The following MYO18B variants were observed in gnomAD, a reference collection of about 807,000 sequenced individuals.
MYO18B encodes the protein myosin XVIIIB, also known as unconventional myosin-XVIIIb.
In MYO18B, 204 loss-of-function variants were observed where a neutral mutation model predicts 273.0. The ratio of observed to expected loss-of-function variants is 0.75; its 90% confidence interval spans 0.67 to 0.84. MYO18B has a LOEUF of 0.84. MYO18B is among the 40% of genes least tolerant of loss of function. The probability of loss-of-function intolerance (pLI) is 0.00; values close to 1 mark genes in which losing one functional copy is unlikely to be tolerated. For synonymous variants in MYO18B, 1,330 were observed against 1,305.7 expected, an observed-to-expected ratio of 1.02 and a Z score of -0.40; for missense variants, 3,212 against 3,287.6, an observed-to-expected ratio of 0.98 and a Z score of 0.56.
At chr22:25,787,911 C>T (rs961312684) in intron 11 of MYO18B, among the ~76,000 whole-genome samples, 1 of 152,116 alleles carries the variant, frequency 6.6e-6, no homozygotes, top group African/African-American at 2.4e-5. Flanking sequence ...CCAAAATATC[C>T]GTATGAATCA....
intron 1 of MYO18B, among the ~76,000 whole-genome samples, chr22:25,746,317 A>C (rs1321883249): frequency 6.6e-6 from 1 of 152,116 alleles, no homozygotes. Context: ...TCCCTGTTAC[A>C]CCTAGTTATT....
At position 25,772,355 on chromosome 22, in the gene MYO18B, C is replaced by A. The variant is rs1392446807; in HGVS notation, c.1714C>A (p.Gln572Lys). 6.2e-7 allele frequency: 1 copy of A among 1,613,730 alleles called. No homozygotes were observed. Among genetic ancestry groups the A allele is most frequent in the Non-Finnish European group, 8.5e-7 (1 of 1,179,820 alleles). Residue 572 changes from glutamine (Q) to lysine (K), a missense_variant, in exon 7 of 44, where the codon CAG (glutamine) becomes AAG (lysine). Transcript: ENST00000335473. Reference protein sequence around the residue: ...VHRANPPELDQVEDLASLISV... With the variant: ...VHRANPPELDKVEDLASLISV... ...ACAGGCCAACCCTCCTGAGCTGGACCAGGTCGAGGACCTGGCCTCTCTCAT... is the reference window on the plus strand; with the variant it reads ...ACAGGCCAACCCTCCTGAGCTGGACAAGGTCGAGGACCTGGCCTCTCTCAT...
chr22:25,758,317 G>GTT (rs133870), intron 1 of MYO18B, among the ~76,000 whole-genome samples: 2,306 of 140,934 alleles, frequency 0.016, 58 homozygotes, highest in African/African-American at 0.052. Flanking sequence ...TGGCAGGAAA[G>GTT]TTTTTTTTTT....
At chr22:25,760,557 G>T (rs953449131) in intron 1 of MYO18B, among the ~76,000 whole-genome samples, 1 of 152,072 alleles carries the variant, frequency 6.6e-6, no homozygotes, top group African/African-American at 2.4e-5. Flanking sequence ...GCACCAGAAG[G>T]TTCCCTCATG....
intron 36 of MYO18B, among the ~76,000 whole-genome samples, chr22:25,949,226 G>T (rs532793475): frequency 6.6e-6 from 1 of 152,314 alleles, no homozygotes; most frequent in South Asian, 2.1e-4. Flanking sequence ...GCCTTGTCCA[G>T]TGCTGTATTC....
intron 12 of MYO18B, 59 bp from the exon 13 acceptor site, chr22:25,823,446 G>A (rs1601805424): frequency 5.8e-6 from 9 of 1,555,106 alleles, no homozygotes; most frequent in Admixed American, 1.9e-5. Flanking sequence ...CCTCTCGGGT[G>A]TTCATTCACC....
the MYO18B span, among the ~76,000 whole-genome samples, chr22:26,060,382 C>T: frequency 2.0e-5 from 3 of 152,230 alleles, no homozygotes; most frequent in Non-Finnish European, 4.4e-5. Context: ...AACCACCTAA[C>T]CTTGTGTTTT....
chr22:25,854,218 C>G (rs1237212405), intron 21 of MYO18B, among the ~76,000 whole-genome samples: 3 of 152,164 alleles, frequency 2.0e-5, no homozygotes, highest in Non-Finnish European at 4.4e-5. Flanking sequence ...GAAGTACTCT[C>G]ATTTGGTGGG....
intron 1 of MYO18B, among the ~76,000 whole-genome samples, chr22:25,753,748 C>T (rs570550592): frequency 3.0e-4 from 45 of 152,312 alleles, no homozygotes; most frequent in African/African-American, 7.7e-4. Context: ...AGGCCTGCAG[C>T]TTTACTCCTG....
intron 39 of MYO18B, among the ~76,000 whole-genome samples, chr22:25,974,062 G>A (rs186410338): frequency 2.8e-4 from 42 of 152,228 alleles, no homozygotes; most frequent in Middle Eastern, 3.4e-3. Context: ...TTTCCACAAG[G>A]TACCATCAAC....
chr22:25,914,156 A>G (rs1441964750), intron 33 of MYO18B, among the ~76,000 whole-genome samples: 1 of 150,572 alleles, frequency 6.6e-6, no homozygotes, highest in Non-Finnish European at 1.5e-5. Context: ...TTTTTTGTCT[A>G]TTTCTCCACC....
chr22:25,911,016 A>G lies in MYO18B; in HGVS notation c.5330A>G (p.Asp1777Gly), dbSNP rs1033179886. ...EKQMVLHEKQ[D>G]LEGLIGTLCD... ...CAGATGGTCCTCCATGAGAAGCAAG[A>G]TTTGGAAGGCTTGATCGGAACCCTC... The change falls in exon 33 of 44, where the codon GAT (aspartate) becomes GGT (glycine). Residue 1777 changes from aspartate (D) to glycine (G), a missense_variant. Physicochemically the swap from Asp to Gly is moderately conservative, Grantham distance 94. Coordinates refer to ENST00000335473, the MANE Select transcript of MYO18B (RefSeq NM_032608.7). 2.5e-6 allele frequency: 4 copies of G among 1,606,574 alleles called. No homozygotes were observed. The South Asian group carries it at 3.4e-5, about 14-fold the overall frequency.
chr22:25,838,445 C>T (rs998619989), intron 17 of MYO18B, among the ~76,000 whole-genome samples: 1 of 152,192 alleles, frequency 6.6e-6, no homozygotes, highest in African/African-American at 2.4e-5. Context: ...AGTGATCCAC[C>T]CGCCTCGGCC....
chr22:25,906,933 T>C (rs753884807), intron 31 of MYO18B, among the ~76,000 whole-genome samples: 48 of 152,240 alleles, frequency 3.2e-4, no homozygotes, highest in Non-Finnish European at 5.7e-4. Flanking sequence ...GTGGGAATTA[T>C]GGGAATTAAA....
chr22:25,781,839 G>A lies in MYO18B; in HGVS notation c.2312+5G>A, dbSNP rs1284595572. On this transcript the variant is annotated splice_donor_5th_base_variant and intron_variant, in intron 10 of 43. Coordinates refer to ENST00000335473, the MANE Select transcript of MYO18B (RefSeq NM_032608.7). Reference sequence around the variant, plus strand: ...TGGATTGGACTTGGATCTCAGGTGAGCACTTGGGGCAGGAAGAGACAGCTG... The same window carrying A: ...TGGATTGGACTTGGATCTCAGGTGAACACTTGGGGCAGGAAGAGACAGCTG... The A allele has an allele frequency of 6.5e-7, 1 of 1,541,756 alleles. No individual in the cohort carries two copies. Among genetic ancestry groups the A allele is most frequent in the South Asian group, 1.3e-5 (1 of 78,382 alleles).
At chr22:25,823,065 G>T (rs1026679563) in intron 12 of MYO18B, among the ~76,000 whole-genome samples, 1 of 152,098 alleles carries the variant, frequency 6.6e-6, no homozygotes, top group Non-Finnish European at 1.5e-5. Flanking sequence ...GGCAAGGTTG[G>T]GGGAGGAGGG....
At chr22:26,062,805 T>C in the MYO18B span, among the ~76,000 whole-genome samples, 2 of 152,162 alleles carry the variant, frequency 1.3e-5, no homozygotes, top group Non-Finnish European at 2.9e-5. Flanking sequence ...GGCCAAGCCC[T>C]GTGCTTGGTA....
chr22:25,812,256 G>T (rs2088796452), intron 12 of MYO18B, among the ~76,000 whole-genome samples: 1 of 152,174 alleles, frequency 6.6e-6, no homozygotes, highest in African/African-American at 2.4e-5. Context: ...GGTGAAGAAT[G>T]CGGGGCTCAG....
intron 21 of MYO18B, among the ~76,000 whole-genome samples, chr22:25,866,485 C>G (rs1046578454): frequency 6.6e-6 from 1 of 152,116 alleles, no homozygotes; most frequent in African/African-American, 2.4e-5. Context: ...TATGGAATCT[C>G]TCTGGTTTGG....
Sources: gnomAD v4.1 joint callset for allele counts (sites outside exome capture counted in the v4.1 genomes callset) on GRCh38, gnomAD v4.1.1 for gene constraint, MANE v1.5 for transcripts, NCBI Gene and HGNC (gene_info 2026-07-23, HGNC 2026-07-21) for gene names.